The following LRMDA variants were observed in gnomAD, a reference collection of about 807,000 sequenced individuals.
The protein encoded by LRMDA is leucine-rich melanocyte differentiation-associated protein.
Under a neutral mutation model 29.8 loss-of-function variants are expected in LRMDA, and 18 were observed. The observed-to-expected ratio is 0.60, with a 90% CI of 0.42 to 0.90. The LOEUF is 0.90. Among genes scored for constraint, LRMDA ranks in the 40% least tolerant of loss-of-function variants. The probability of loss-of-function intolerance (pLI) is 0.00; values close to 1 mark genes in which losing one functional copy is unlikely to be tolerated. For synonymous variants in LRMDA, 125 were observed against 109.4 expected, an observed-to-expected ratio of 1.14 and a Z score of -0.89; for missense variants, 273 against 273.9, an observed-to-expected ratio of 1.00 and a Z score of 0.02.
At chr10:76,040,673 A>G (rs757833430) in intron 3 of LRMDA, among the ~76,000 whole-genome samples, 7 of 152,172 alleles carry the variant, frequency 4.6e-5, no homozygotes, top group Non-Finnish European at 7.3e-5. Context: ...CAGCCATATC[A>G]TGTCTGAATA....
At chr10:75,457,801 T>C (rs1844537997) in intron 2 of LRMDA, among the ~76,000 whole-genome samples, 1 of 152,242 alleles carries the variant, frequency 6.6e-6, no homozygotes, top group Admixed American at 6.5e-5. Flanking sequence ...AGAGTGTTTC[T>C]GGGTTCCAGG....
chr10:75,901,837 C>T (rs1010663911), intron 2 of LRMDA, among the ~76,000 whole-genome samples: 1 of 152,178 alleles, frequency 6.6e-6, no homozygotes, highest in Non-Finnish European at 1.5e-5. Context: ...TAAATATTGA[C>T]AACCTGTTTT....
At position 75,470,452 on chromosome 10, in the gene LRMDA, G is replaced by T. The variant is rs147072887; in HGVS notation, c.131+31958G>T. 4.9e-3 allele frequency among the ~76,000 whole-genome samples: 748 copies of T among 152,306 alleles called. 9 individuals are homozygous for T. Among genetic ancestry groups the T allele is most frequent in the African/African-American group, 0.017 (713 of 41,556 alleles). ...GTGGAGGTTGCAGTGAGCTGAGATT[G>T]CACCACTGCACTCCAGCCTGGGAGA... On this transcript the variant is annotated intron_variant, in intron 2 of 6. Transcript: ENST00000611255.
chr10:76,262,968 A>G (rs1451550607), intron 5 of LRMDA, among the ~76,000 whole-genome samples: 1 of 152,214 alleles, frequency 6.6e-6, no homozygotes, highest in East Asian at 1.9e-4. Context: ...GCCCTAGCAT[A>G]ATTTTTCTCA....
chr10:75,877,239 G>C (rs892852603), intron 2 of LRMDA, among the ~76,000 whole-genome samples: 1 of 152,184 alleles, frequency 6.6e-6, no homozygotes, highest in African/African-American at 2.4e-5. Flanking sequence ...TCCTTAATGA[G>C]CTAAACTGAC....
At chr10:76,314,685 G>A (rs1277875016) in intron 5 of LRMDA, among the ~76,000 whole-genome samples, 3 of 152,146 alleles carry the variant, frequency 2.0e-5, no homozygotes, top group Non-Finnish European at 4.4e-5. Context: ...ATTTATTCAA[G>A]TTTAAGTGTA....
At chr10:75,729,056 A>G (rs750053298) in intron 2 of LRMDA, among the ~76,000 whole-genome samples, 1 of 152,146 alleles carries the variant, frequency 6.6e-6, no homozygotes, top group Non-Finnish European at 1.5e-5. Context: ...TGATTTCCCC[A>G]TTAAGTCTCA....
chr10:76,196,610 G>T (rs868407746), intron 5 of LRMDA, among the ~76,000 whole-genome samples: 18 of 152,134 alleles, frequency 1.2e-4, no homozygotes, highest in African/African-American at 4.3e-4. Flanking sequence ...ACAGAATACT[G>T]GGCCAGATCC....
At chr10:76,431,517 A>C (rs2132283485) in intron 6 of LRMDA, among the ~76,000 whole-genome samples, 1 of 152,308 alleles carries the variant, frequency 6.6e-6, no homozygotes, top group Non-Finnish European at 1.5e-5. Context: ...TATGTAGCTC[A>C]GTTTTCTCAT....
At chr10:76,452,328 G>A (rs79724304) in intron 6 of LRMDA, among the ~76,000 whole-genome samples, 10,080 of 152,186 alleles carry the variant, frequency 0.066, 476 homozygotes, top group Non-Finnish European at 0.1. Flanking sequence ...AGGCCATGTG[G>A]GGTCCAGAAC....
At chr10:75,832,533 A>G (rs926380889) in intron 2 of LRMDA, among the ~76,000 whole-genome samples, 3 of 151,972 alleles carry the variant, frequency 2.0e-5, no homozygotes, top group African/African-American at 7.3e-5. Flanking sequence ...GACTGTTCCA[A>G]CCTCTGCCTG....
At chr10:75,888,677 C>T (rs554352820) in intron 2 of LRMDA, among the ~76,000 whole-genome samples, 9 of 152,312 alleles carry the variant, frequency 5.9e-5, no homozygotes, top group Admixed American at 2.6e-4. Flanking sequence ...CCAATTAACA[C>T]CCACTTGATT....
intron 6 of LRMDA, among the ~76,000 whole-genome samples, chr10:76,429,093 A>G (rs1266876547): frequency 6.6e-6 from 1 of 151,780 alleles, no homozygotes; most frequent in Non-Finnish European, 1.5e-5. Context: ...CTTTTTCAAG[A>G]TAGGAGGAAT....
chr10:76,526,977 A>AAGAT (rs1237737300), intron 6 of LRMDA, among the ~76,000 whole-genome samples: 4 of 121,512 alleles, frequency 3.3e-5, no homozygotes, highest in Non-Finnish European at 5.0e-5. Flanking sequence ...AAAGTATAAT[A>AAGAT]AAATAAATAA....
At chr10:75,548,641 C>G (rs917012695) in intron 2 of LRMDA, among the ~76,000 whole-genome samples, 1 of 152,144 alleles carries the variant, frequency 6.6e-6, no homozygotes, top group Non-Finnish European at 1.5e-5. Context: ...CAACTCAGAA[C>G]CAGATGCTGG....
chr10:75,519,278 G>C (rs1191230219), intron 2 of LRMDA, among the ~76,000 whole-genome samples: 1 of 152,152 alleles, frequency 6.6e-6, no homozygotes, highest in African/African-American at 2.4e-5. Flanking sequence ...CTGTCTCGTT[G>C]ATCTAATATT....
intron 2 of LRMDA, among the ~76,000 whole-genome samples, chr10:75,875,351 G>A (rs1048701734): frequency 6.6e-6 from 1 of 152,246 alleles, no homozygotes; most frequent in Non-Finnish European, 1.5e-5. Flanking sequence ...AGTGACTGAG[G>A]AGTTTGGAGA....
rs560564700 is a variant in LRMDA, at chr10:76,221,657, T to G, written c.517-102744T>G. On this transcript the variant is annotated intron_variant, in intron 5 of 6. Transcript: ENST00000611255. ...TGGAAGAGCATTCCATGCTCATGGG[T>G]AGGAAGAATCAATATCATGAAAATG... 3.1e-3 allele frequency among the ~76,000 whole-genome samples: 475 copies of G among 152,268 alleles called. 2 individuals are homozygous for G. Among genetic ancestry groups the G allele is most frequent in the African/African-American group, 0.011 (453 of 41,544 alleles).
chr10:75,605,882 G>A (rs1840949838), intron 2 of LRMDA, among the ~76,000 whole-genome samples: 1 of 152,110 alleles, frequency 6.6e-6, no homozygotes, highest in South Asian at 2.1e-4. Flanking sequence ...TTTTGAGACG[G>A]GGTCTTGCTC....
Sources: gnomAD v4.1 joint callset for allele counts (sites outside exome capture counted in the v4.1 genomes callset) on GRCh38, gnomAD v4.1.1 for gene constraint, MANE v1.5 for transcripts, NCBI Gene and HGNC (gene_info 2026-07-23, HGNC 2026-07-21) for gene names.